GNA14: variants seen among roughly 807,000 people sequenced by gnomAD.
The protein encoded by GNA14 is G protein subunit alpha 14, also known as guanine nucleotide-binding protein subunit alpha-14.
A neutral mutation model predicts 42.0 loss-of-function variants in GNA14; 50 were observed. The ratio of observed to expected loss-of-function variants is 1.19; its 90% CI spans 0.95 to 1.51. The LOEUF is 1.51. GNA14 is among the 40% of genes most tolerant of loss of function. GNA14 has a pLI of 0.00. For synonymous variants in GNA14, 173 were observed against 163.1 expected, an observed-to-expected ratio of 1.06 and a Z score of -0.46; for missense variants, 473 against 446.2, an observed-to-expected ratio of 1.06 and a Z score of -0.54.
At chr9:77,433,522 C>T (rs890950742) in intron 3 of GNA14, among the ~76,000 whole-genome samples, 28 of 151,808 alleles carry the variant, frequency 1.8e-4, no homozygotes, top group Admixed American at 2.0e-4. Flanking sequence ...GAGCAGCTGC[C>T]CAGCTAATTT....
chr9:77,493,026 A>AATATATATATATATATATATATATATAT, intron 2 of GNA14, among the ~76,000 whole-genome samples: 1 of 51,730 alleles, frequency 1.9e-5, no homozygotes, highest in Non-Finnish European at 3.3e-5. Flanking sequence ...AAAAAAAAAA[A>AATATATATATATATATATATATATATAT]ATATATATAT....
intron 1 of GNA14, among the ~76,000 whole-genome samples, chr9:77,605,228 A>T (rs1425431085): frequency 6.6e-6 from 1 of 152,234 alleles, no homozygotes; most frequent in African/African-American, 2.4e-5. Flanking sequence ...TGTGGGAAAG[A>T]GCTCATCCTG....
intron 2 of GNA14, among the ~76,000 whole-genome samples, chr9:77,452,739 GA>G (rs544030555): frequency 1.7e-3 from 251 of 150,664 alleles, no homozygotes; most frequent in Non-Finnish European, 2.9e-3. Flanking sequence ...TCCATACGTT[GA>G]ACTCTCATCC....
At chr9:77,561,498 A>G (rs1228776077) in intron 1 of GNA14, among the ~76,000 whole-genome samples, 1 of 151,982 alleles carries the variant, frequency 6.6e-6, no homozygotes, top group East Asian at 1.9e-4. Flanking sequence ...TGTGGTATAT[A>G]CATACAATAG....
At chr9:77,483,298 T>C (rs987050387) in intron 2 of GNA14, among the ~76,000 whole-genome samples, 7 of 152,202 alleles carry the variant, frequency 4.6e-5, no homozygotes, top group African/African-American at 7.2e-5. Flanking sequence ...TGCAGGTCTG[T>C]TGGAGTTTGT....
rs72732704 is a variant in GNA14, at chr9:77,569,573, T to C, written c.125-40320A>G. On this transcript the variant is annotated intron_variant, in intron 1 of 6. Coordinates refer to ENST00000341700, the MANE Select transcript of GNA14 (RefSeq NM_004297.4). The stretch of plus-strand genomic sequence containing the variant: ...CAACTCCACAGGAGACCACTCGGTA[T>C]AGTGAGTTCCACCAACAGGGGCTGC... Among the ~76,000 whole-genome samples the C allele has an allele frequency of 6.2e-3, 939 of 152,156 alleles. 10 individuals are homozygous for C. The highest frequency in any genetic ancestry group is 0.019 in the African/African-American group (777 of 41,524).
At chr9:77,542,204 G>A (rs1837669050) in intron 1 of GNA14, among the ~76,000 whole-genome samples, 2 of 152,086 alleles carry the variant, frequency 1.3e-5, no homozygotes, top group Non-Finnish European at 2.9e-5. Flanking sequence ...TATAAGATAT[G>A]TACATCTACT....
At chr9:77,471,185 A>G (rs1836323537) in intron 2 of GNA14, among the ~76,000 whole-genome samples, 1 of 152,188 alleles carries the variant, frequency 6.6e-6, no homozygotes, top group African/African-American at 2.4e-5. Context: ...CTACCAGGAA[A>G]TTACATGGAA....
At chr9:77,464,905 A>G (rs1444213261) in intron 2 of GNA14, among the ~76,000 whole-genome samples, 1 of 152,118 alleles carries the variant, frequency 6.6e-6, no homozygotes, top group Non-Finnish European at 1.5e-5. Context: ...CACAGAGAGG[A>G]GAATGCCGTG....
chr9:77,429,075 A>G, intron 4 of GNA14, 39 bp from the exon 5 acceptor site: 1 of 1,605,966 alleles, frequency 6.2e-7, no homozygotes, highest in Non-Finnish European at 8.5e-7. Flanking sequence ...AGGTTGGAAT[A>G]CATGACACTT....
intron 1 of GNA14, among the ~76,000 whole-genome samples, chr9:77,634,857 T>C (rs569738530): frequency 6.6e-6 from 1 of 152,212 alleles, no homozygotes; most frequent in African/African-American, 2.4e-5. Flanking sequence ...CTTAGCATTG[T>C]GGGTTCAATA....
intron 1 of GNA14, among the ~76,000 whole-genome samples, chr9:77,636,818 A>C (rs1268831200): frequency 4.6e-5 from 7 of 152,222 alleles, no homozygotes; most frequent in African/African-American, 1.7e-4. Flanking sequence ...TCAAATTTTC[A>C]ACATGAGATT....
chr9:77,612,016 T>C (rs958249311), intron 1 of GNA14, among the ~76,000 whole-genome samples: 1 of 152,142 alleles, frequency 6.6e-6, no homozygotes, highest in African/African-American at 2.4e-5. Flanking sequence ...CAGGAAATAA[T>C]AATATTGTCA....
chr9:77,610,939 C>CA (rs1257293522), intron 1 of GNA14, among the ~76,000 whole-genome samples: 9 of 152,268 alleles, frequency 5.9e-5, no homozygotes, highest in Non-Finnish European at 7.4e-5. Context: ...TCCTCCCTTG[C>CA]ACTTCAAAGA....
At chr9:77,493,897 G>A (rs758868462) in intron 2 of GNA14, among the ~76,000 whole-genome samples, 18 of 152,228 alleles carry the variant, frequency 1.2e-4, no homozygotes, top group Non-Finnish European at 2.4e-4. Context: ...TTAACAAAAA[G>A]ATAAAGTCTG....
intron 4 of GNA14, among the ~76,000 whole-genome samples, chr9:77,430,917 G>A (rs780014537): frequency 2.6e-5 from 4 of 151,858 alleles, no homozygotes; most frequent in Admixed American, 2.0e-4. Flanking sequence ...ATTTTCTAAG[G>A]ATAAATCTTG....
intron 1 of GNA14, among the ~76,000 whole-genome samples, chr9:77,621,906 C>G (rs1468434060): frequency 2.0e-5 from 3 of 152,128 alleles, no homozygotes; most frequent in African/African-American, 7.2e-5. Context: ...TTCATTTGCT[C>G]TATTTCATAT....
chr9:77,587,113 T>C (rs944232561), intron 1 of GNA14, among the ~76,000 whole-genome samples: 78 of 30,568 alleles, frequency 2.6e-3, no homozygotes, highest in Non-Finnish European at 3.8e-3. Context: ...TTTGGATAGC[T>C]ATACTTAAAA....
At chr9:77,459,830 G>A (rs1163996989) in intron 2 of GNA14, among the ~76,000 whole-genome samples, 1 of 152,146 alleles carries the variant, frequency 6.6e-6, no homozygotes, top group African/African-American at 2.4e-5. Flanking sequence ...GGCCTAGAAA[G>A]TGCCTTATAT....
Sources: allele counts gnomAD v4.1 joint callset (sites outside exome capture counted in the v4.1 genomes callset), GRCh38; gene constraint gnomAD v4.1.1; transcripts MANE v1.5; gene names NCBI Gene and HGNC (gene_info 2026-07-23, HGNC 2026-07-21).